Variants in ADAP2 observed in about 807,000 individuals in gnomAD.
ADAP2 encodes the protein ArfGAP with dual PH domains 2.
A neutral mutation model predicts 54.9 loss-of-function variants in ADAP2; 42 were observed. The observed-to-expected ratio is 0.77, with a 90% CI of 0.60 to 0.99. The LOEUF is 0.99. ADAP2 is among the 50% of genes least tolerant of loss of function. The pLI is 0.00. For missense variants in ADAP2, 429 were observed against 480.4 expected, an observed-to-expected ratio of 0.89 and a Z score of 1.00; for synonymous variants, 177 against 180.1, an observed-to-expected ratio of 0.98 and a Z score of 0.14.
At chr17:30,934,350 C>T in intron 5 of ADAP2, 53 bp downstream of exon 5, 1 of 1,219,570 alleles carries the variant, frequency 8.2e-7, no homozygotes, top group Non-Finnish European at 1.2e-6. Context: ...TCTCACCCGA[C>T]TAAGGTCTAC....
intron 5 of ADAP2, among the ~76,000 whole-genome samples, chr17:30,934,970 T>C: frequency 6.6e-6 from 1 of 152,166 alleles, no homozygotes; most frequent in Non-Finnish European, 1.5e-5. Context: ...GGAGAACTGC[T>C]TGAGCATGGG....
Position 30,947,317 on chromosome 17 carries a change from G to A in ADAP2, c.658-1970G>A, listed in dbSNP as rs142682913. Among the ~76,000 whole-genome samples the A allele has an allele frequency of 2.7e-3, 413 of 152,276 alleles. 1 individual carries two copies. The highest frequency in any genetic ancestry group is 9.5e-3 in the African/African-American group (393 of 41,550). On this transcript the variant is annotated intron_variant, in intron 6 of 10. Coordinates refer to ENST00000330889, the MANE Select transcript of ADAP2 (RefSeq NM_018404.3). ...CCTTCCAAGGTGAAGGCCTAGGTGT[G>A]TCTTTTCTGGACTGGCCCCATTCCC...
chr17:30,947,446 C>T (rs1233821743), intron 6 of ADAP2, among the ~76,000 whole-genome samples: 1 of 152,162 alleles, frequency 6.6e-6, no homozygotes, highest in Non-Finnish European at 1.5e-5. Flanking sequence ...CTCCACCTCC[C>T]AGGTTAAAGC....
intron 9 of ADAP2, among the ~76,000 whole-genome samples, chr17:30,955,622 G>T (rs547083363): frequency 7.3e-4 from 110 of 151,666 alleles, no homozygotes; most frequent in African/African-American, 2.5e-3. Context: ...CAGGAGAATC[G>T]CTTGAAACCG....
chr17:30,922,071 C>T lies in ADAP2; in HGVS notation c.57C>T (p.Asp19=). The change falls in exon 1 of 11, where the codon GAC becomes GAT. Residue 19 remains aspartate (D), a synonymous_variant. Transcript: ENST00000330889. Reference sequence around the variant, plus strand: ...TGCTGGAGCTGCTGCGGGCGCCGGACACAGGCAACGCGCACTGCGCCGACT... The same window carrying T: ...TGCTGGAGCTGCTGCGGGCGCCGGATACAGGCAACGCGCACTGCGCCGACT... ...KRLLELLRAP[D]TGNAHCADCG... 1 of 1,271,526 alleles carries T rather than the reference C, an allele frequency of 7.9e-7. No homozygotes were observed. Among genetic ancestry groups the T allele is most frequent in the African/African-American group, 1.6e-5 (1 of 64,444 alleles). The allele number at this position is 1,271,526 out of a possible 1,614,324, so 78.8% of individuals were successfully genotyped here.
intron 5 of ADAP2, among the ~76,000 whole-genome samples, chr17:30,937,409 A>G (rs1465009886): frequency 6.6e-6 from 1 of 152,086 alleles, no homozygotes; most frequent in Non-Finnish European, 1.5e-5. Context: ...TTTAGTAGAG[A>G]CAGGGTTTCA....
chr17:30,941,305 G>C (rs927400627), intron 5 of ADAP2, among the ~76,000 whole-genome samples: 1 of 152,162 alleles, frequency 6.6e-6, no homozygotes, highest in Admixed American at 6.6e-5. Context: ...ATTGTAAATT[G>C]ATGTAGATGG....
Position 30,931,883 on chromosome 17 carries a change from T to C in ADAP2, c.318-6T>C. 6.2e-7 allele frequency: 1 copy of C among 1,611,408 alleles called. No individual in the cohort carries two copies. The highest frequency in any genetic ancestry group is 2.2e-5 in the East Asian group (1 of 44,854). The stretch of plus-strand genomic sequence containing the variant: ...ACGCAGCTGACCTCAGGCTCTCTCT[T>C]TTTAGGGTCTTAAAGGAACAATGGA... On this transcript the variant is annotated splice_region_variant and splice_polypyrimidine_tract_variant and intron_variant, in intron 3 of 10. Coordinates refer to ENST00000330889, the MANE Select transcript of ADAP2 (RefSeq NM_018404.3).
chr17:30,921,972 C>G lies in ADAP2; in HGVS notation c.-43C>G, dbSNP rs1329784498. On this transcript the variant is annotated 5_prime_UTR_variant, in exon 1 of 11. Coordinates refer to ENST00000330889, the MANE Select transcript of ADAP2 (RefSeq NM_018404.3). ...CCCTCTCCACCTGCCGGGCGGAGCG[C>G]ACGGGCCATGGGCTGAGCCCCGCTG... 14 of 1,208,534 alleles carry G rather than the reference C, an allele frequency of 1.2e-5. No homozygotes were observed. Among genetic ancestry groups the G allele is most frequent in the Non-Finnish European group, 1.4e-5 (14 of 968,870 alleles). The allele number at this position is 1,208,534 out of a possible 1,614,324, so 74.9% of individuals were successfully genotyped here. A position where few individuals can be genotyped will look rare whatever the true frequency, so the allele number is the denominator to read the frequency against.
Position 30,949,290 on chromosome 17 carries a change from A to G in ADAP2, c.661A>G (p.Ile221Val). The change falls in exon 7 of 11, where the codon ATA becomes GTA. Residue 221 changes from isoleucine (I) to valine (V), a missense_variant. Transcript: ENST00000330889. ...TCCTGTGCACTTCTCTCCGCAGGAG[A>G]TAGTGGACTGGTTCAATGCCCTCCG... ...LFVYHESGKE[I>V]VDWFNALRAA... The G allele has an allele frequency of 1.2e-6, 2 of 1,613,846 alleles. No individual in the cohort carries two copies. The highest frequency in any genetic ancestry group is 1.1e-5 in the South Asian group (1 of 91,080).
At chr17:30,925,852 C>T (rs560237228) in intron 2 of ADAP2, among the ~76,000 whole-genome samples, 37 of 152,148 alleles carry the variant, frequency 2.4e-4, no homozygotes, top group South Asian at 8.3e-4. Context: ...CTCTGCCTCC[C>T]GGGTTCAAGC....
intron 3 of ADAP2, among the ~76,000 whole-genome samples, chr17:30,927,280 A>G (rs954786401): frequency 6.6e-6 from 1 of 152,112 alleles, no homozygotes; most frequent in Non-Finnish European, 1.5e-5. Flanking sequence ...CTAGTATCTT[A>G]CTAGACCAAG....
Position 30,949,370 on chromosome 17 carries a change from G to A in ADAP2, c.741G>A (p.Glu247=). 1 of 1,613,850 alleles carries A rather than the reference G, an allele frequency of 6.2e-7. No individual in the cohort carries two copies. The highest frequency in any genetic ancestry group is 8.5e-7 in the Non-Finnish European group (1 of 1,179,770). Residue 247 remains glutamate, a splice_region_variant and synonymous_variant, in exon 7 of 11, where the codon GAG becomes GAA. Transcript: ENST00000330889. The part of the protein sequence containing the change: ...KMAFPELPES[E]LVPFLTRNYL... ...CCTTTCCTGAACTCCCAGAGTCTGA[G>A]GTGAGCTAAATGCGGACCCCAATTT...
At chr17:30,937,382 C>T (rs531152924) in intron 5 of ADAP2, among the ~76,000 whole-genome samples, 84 of 152,064 alleles carry the variant, frequency 5.5e-4, no homozygotes, top group African/African-American at 1.3e-3. Flanking sequence ...CCACCACACC[C>T]GGCTAATTTT....
chr17:30,935,578 T>C (rs1253264653), intron 5 of ADAP2, among the ~76,000 whole-genome samples: 2 of 152,124 alleles, frequency 1.3e-5, no homozygotes, highest in African/African-American at 4.8e-5. Context: ...GCAGAAGCCC[T>C]GAGCACAGGT....
intron 5 of ADAP2, among the ~76,000 whole-genome samples, chr17:30,938,209 A>G (rs558103992): frequency 6.6e-6 from 1 of 152,238 alleles, no homozygotes; most frequent in Non-Finnish European, 1.5e-5. Context: ...TCCATGTGGC[A>G]TCAGCTGGGC....
intron 10 of ADAP2, among the ~76,000 whole-genome samples, 155 bp from the exon 11 acceptor site, chr17:30,957,680 C>T (rs953369618): frequency 1.3e-5 from 2 of 152,064 alleles, no homozygotes; most frequent in Admixed American, 1.3e-4. Flanking sequence ...ATCCACCTGC[C>T]TCGGCCTCCC....
Position 30,926,910 on chromosome 17 carries a change from C to T in ADAP2, c.309C>T (p.Asn103=), listed in dbSNP as rs527402641. ...CTTTCTACTACATCCCCCAGGCCAACGACTGCCTGTGAGTGGGTGATTCCT... is the reference window on the plus strand; with the variant it reads ...CTTTCTACTACATCCCCCAGGCCAATGACTGCCTGTGAGTGGGTGATTCCT... ...VPAFYYIPQA[N]DCLVLKEQWI... is the part of the protein sequence containing the mutation. The change falls in exon 3 of 11, where the codon AAC becomes AAT. Residue 103 remains asparagine (N), a synonymous_variant. Coordinates refer to ENST00000330889, the MANE Select transcript of ADAP2 (RefSeq NM_018404.3). 2.3e-5 allele frequency: 37 copies of T among 1,613,686 alleles called. No individual in the cohort carries two copies. The highest frequency in any genetic ancestry group is 8.0e-5 in the African/African-American group (6 of 75,052).
At chr17:30,931,457 G>A (rs893462317) in intron 3 of ADAP2, among the ~76,000 whole-genome samples, 7 of 152,174 alleles carry the variant, frequency 4.6e-5, no homozygotes, top group African/African-American at 1.4e-4. Flanking sequence ...ACAGTACTGA[G>A]GCTGAGGAAT....
Sources: allele counts gnomAD v4.1 joint callset (sites outside exome capture counted in the v4.1 genomes callset), GRCh38; gene constraint gnomAD v4.1.1; transcripts MANE v1.5; gene names NCBI Gene and HGNC (gene_info 2026-07-23, HGNC 2026-07-21).